Variants in TAFA1 observed in about 807,000 individuals in gnomAD.
The protein encoded by TAFA1 is chemokine-like protein TAFA-1.
TAFA1 carries 4 observed loss-of-function variants against 18.5 expected under a neutral mutation model. The observed-to-expected ratio is 0.22, with a 90% CI of 0.11 to 0.49. TAFA1 has a LOEUF of 0.49. Ranked by LOEUF, TAFA1 falls within the 20% of genes least tolerant of loss-of-function variation. TAFA1 has a pLI of 0.98. For missense variants in TAFA1, 147 were observed against 169.0 expected (o/e 0.87, Z 0.72); for synonymous variants, 56 against 55.2 (o/e 1.01, Z -0.06).
At chr3:68,058,566 A>G (rs1050170696) in intron 2 of TAFA1, among the ~76,000 whole-genome samples, 4 of 152,184 alleles carry the variant, frequency 2.6e-5, no homozygotes, top group Non-Finnish European at 5.9e-5. Context: ...ATTAATAGAC[A>G]TAGCTGAGAT....
intron 2 of TAFA1, among the ~76,000 whole-genome samples, chr3:68,125,344 C>A (rs556289593): frequency 3.5e-4 from 54 of 152,334 alleles, no homozygotes; most frequent in African/African-American, 1.3e-3. Context: ...GCAAGAGCTA[C>A]CTGTGCTGCT....
At chr3:68,343,979 G>T (rs1452067268) in intron 2 of TAFA1, among the ~76,000 whole-genome samples, 1 of 152,090 alleles carries the variant, frequency 6.6e-6, no homozygotes, top group East Asian at 1.9e-4. Flanking sequence ...GAGTAGCTGG[G>T]ATTACAGGCA....
At chr3:68,375,592 C>G (rs1372152517) in intron 2 of TAFA1, among the ~76,000 whole-genome samples, 2 of 152,144 alleles carry the variant, frequency 1.3e-5, no homozygotes, top group African/African-American at 4.8e-5. Flanking sequence ...AGATGATTTC[C>G]AAGGACTACT....
intron 3 of TAFA1, among the ~76,000 whole-genome samples, chr3:68,516,758 G>A (rs2072926173): frequency 6.6e-6 from 1 of 152,116 alleles, no homozygotes; most frequent in South Asian, 2.1e-4. Flanking sequence ...AGCAACTGAA[G>A]TACAGAGTAA....
At chr3:68,423,852 C>T (rs1281119414) in intron 3 of TAFA1, among the ~76,000 whole-genome samples, 1 of 151,818 alleles carries the variant, frequency 6.6e-6, no homozygotes, top group Non-Finnish European at 1.5e-5. Context: ...TTTAGCATCA[C>T]TGTAATTAAG....
At chr3:68,067,585 G>A (rs1165691550) in intron 2 of TAFA1, among the ~76,000 whole-genome samples, 1 of 152,198 alleles carries the variant, frequency 6.6e-6, no homozygotes, top group African/African-American at 2.4e-5. Flanking sequence ...TTTATTTGTA[G>A]AGGGAGTGGT....
rs1158615202 is a variant in TAFA1 at position 68,485,073 on chromosome 3, A to T, written c.260-53683A>T. 3.9e-5 allele frequency among the ~76,000 whole-genome samples: 6 copies of T among 152,306 alleles called. No individual in the cohort carries two copies. The South Asian group carries it at 1.2e-3, about 32-fold the overall frequency. ...GGTGGATGTGGCTGTATCTACACAC[A>T]AAGTAGCAATGAAAAGGTTCATGGG... is the stretch of plus-strand genomic sequence containing the variant. On this transcript the variant is annotated intron_variant, in intron 3 of 4. Coordinates refer to ENST00000478136, the MANE Select transcript of TAFA1 (RefSeq NM_213609.4).
At chr3:68,521,099 ACTGT>A (rs2073014727) in intron 3 of TAFA1, among the ~76,000 whole-genome samples, 1 of 152,184 alleles carries the variant, frequency 6.6e-6, no homozygotes, top group Non-Finnish European at 1.5e-5. Context: ...ATTTTCCTGA[ACTGT>A]CTTTTATGAT....
chr3:68,351,387 C>A (rs181877548), intron 2 of TAFA1, among the ~76,000 whole-genome samples: 1 of 152,014 alleles, frequency 6.6e-6, no homozygotes, highest in Non-Finnish European at 1.5e-5. Context: ...GTAAACACCA[C>A]ACCAGAGAAT....
At chr3:67,997,383 C>A in the TAFA1 span, among the ~76,000 whole-genome samples, 11 of 152,100 alleles carry the variant, frequency 7.2e-5, no homozygotes, top group Non-Finnish European at 1.5e-4. Flanking sequence ...AGAGGTAGAG[C>A]TGAAATAGAC....
intron 2 of TAFA1, among the ~76,000 whole-genome samples, chr3:68,359,988 G>A (rs2069440260): frequency 6.6e-6 from 1 of 151,908 alleles, no homozygotes. Context: ...TGGGGTCATG[G>A]GTTCACCATT....
At chr3:68,261,479 G>A (rs1473198226) in intron 2 of TAFA1, among the ~76,000 whole-genome samples, 11 of 152,018 alleles carry the variant, frequency 7.2e-5, no homozygotes, top group South Asian at 4.2e-4. Flanking sequence ...TGTTTATTGC[G>A]GCACTATTCA....
intron 3 of TAFA1, among the ~76,000 whole-genome samples, chr3:68,436,347 A>C (rs940594976): frequency 6.6e-6 from 1 of 152,136 alleles, no homozygotes; most frequent in Non-Finnish European, 1.5e-5. Flanking sequence ...TAATAAGTAA[A>C]AAGATTTATA....
At chr3:68,351,678 T>C (rs1379665327) in intron 2 of TAFA1, among the ~76,000 whole-genome samples, 1 of 151,934 alleles carries the variant, frequency 6.6e-6, no homozygotes, top group African/African-American at 2.4e-5. Context: ...GGGGTAGCAA[T>C]TTAAGGGAGA....
intron 2 of TAFA1, among the ~76,000 whole-genome samples, chr3:68,244,691 A>G (rs2067043543): frequency 6.6e-6 from 1 of 152,138 alleles, no homozygotes; most frequent in African/African-American, 2.4e-5. Flanking sequence ...GATTTATTTA[A>G]AGGTACATAG....
At chr3:68,412,814 G>A (rs1034095566) in intron 2 of TAFA1, among the ~76,000 whole-genome samples, 3 of 152,106 alleles carry the variant, frequency 2.0e-5, no homozygotes, top group African/African-American at 7.2e-5. Context: ...CTTTGTTATT[G>A]TGAATAGTGC....
intron 3 of TAFA1, among the ~76,000 whole-genome samples, chr3:68,469,319 G>A (rs920179390): frequency 1.4e-4 from 22 of 152,166 alleles, no homozygotes; most frequent in Non-Finnish European, 2.1e-4. Flanking sequence ...CATGTGAAAA[G>A]TATAATTCAT....
At chr3:68,418,153 C>T (rs2070877788) in intron 3 of TAFA1, among the ~76,000 whole-genome samples, 1 of 152,054 alleles carries the variant, frequency 6.6e-6, no homozygotes, top group Admixed American at 6.6e-5. Context: ...TCATGCGCAT[C>T]CGTGTGAAGA....
At chr3:68,279,195 A>G (rs897887391) in intron 2 of TAFA1, among the ~76,000 whole-genome samples, 1 of 152,196 alleles carries the variant, frequency 6.6e-6, no homozygotes, top group Non-Finnish European at 1.5e-5. Context: ...GGATAGCTAA[A>G]AAATATTCAA....
Sources: allele counts gnomAD v4.1 joint callset (sites outside exome capture counted in the v4.1 genomes callset), GRCh38; gene constraint gnomAD v4.1.1; transcripts MANE v1.5; gene names NCBI Gene and HGNC (gene_info 2026-07-23, HGNC 2026-07-21).